Variants in ST8SIA1 observed in about 807,000 individuals in gnomAD.
ST8SIA1 encodes the protein ST8 alpha-N-acetyl-neuraminide alpha-2,8-sialyltransferase 1, also known as alpha-N-acetylneuraminide alpha-2,8-sialyltransferase.
ST8SIA1 carries 16 observed loss-of-function variants against 35.9 expected under a neutral mutation model. The observed-to-expected ratio is 0.45, with a 90% CI of 0.30 to 0.68. ST8SIA1 has a LOEUF of 0.68. ST8SIA1 is among the 30% of genes least tolerant of loss of function. The probability of loss-of-function intolerance (pLI) is 0.09; values close to 1 mark genes in which losing one functional copy is unlikely to be tolerated. For missense variants in ST8SIA1, 383 were observed against 453.6 expected, an observed-to-expected ratio of 0.84 and a Z score of 1.41; for synonymous variants, 170 against 169.6, an observed-to-expected ratio of 1.00 and a Z score of -0.02.
intron 2 of ST8SIA1, 141 bp downstream of exon 2, chr12:22,287,005 TGAC>T (rs1208435837): frequency 1.4e-6 from 1 of 711,136 alleles, no homozygotes; most frequent in African/African-American, 1.8e-5. Context: ...CACACACAGA[TGAC>T]AGATATAAAG....
intron 1 of ST8SIA1, chr12:22,333,780 C>T (rs2135851673): frequency 1.3e-6 from 1 of 752,652 alleles, no homozygotes; most frequent in Non-Finnish European, 2.4e-6. Context: ...ATGCGCAAAG[C>T]AGGTGTCTGC....
intron 4 of ST8SIA1, among the ~76,000 whole-genome samples, chr12:22,222,677 T>C (rs1018593731): frequency 6.6e-6 from 1 of 152,022 alleles, no homozygotes; most frequent in African/African-American, 2.4e-5. Context: ...CTCTAGGTTT[T>C]TGTTTTCTTT....
intron 2 of ST8SIA1, among the ~76,000 whole-genome samples, chr12:22,285,877 C>CAAAAAAAAACAAA (rs60441064): frequency 9.6e-5 from 10 of 103,676 alleles, no homozygotes; most frequent in African/African-American, 3.7e-4. Flanking sequence ...CTGTCAAAAA[C>CAAAAAAAAACAAA]AAAAAAAAAA....
chr12:22,312,728 AC>A (rs140170794), intron 1 of ST8SIA1, among the ~76,000 whole-genome samples: 3,868 of 151,720 alleles, frequency 0.025, 187 homozygotes, highest in African/African-American at 0.089. Flanking sequence ...AAAAAAAAAA[AC>A]AATAAATTTG....
chr12:22,316,722 A>G (rs1379275330), intron 1 of ST8SIA1, among the ~76,000 whole-genome samples: 1 of 152,206 alleles, frequency 6.6e-6, no homozygotes, highest in Non-Finnish European at 1.5e-5. Context: ...AAAAACGTCT[A>G]CTACATTCCC....
chr12:22,228,197 T>A (rs1185960103), intron 4 of ST8SIA1, among the ~76,000 whole-genome samples: 1 of 152,224 alleles, frequency 6.6e-6, no homozygotes, highest in Non-Finnish European at 1.5e-5. Flanking sequence ...AGAAAAGAAT[T>A]CACACAGCTT....
At chr12:22,236,517 T>C (rs1394435899) in intron 4 of ST8SIA1, among the ~76,000 whole-genome samples, 1 of 152,170 alleles carries the variant, frequency 6.6e-6, no homozygotes, top group Non-Finnish European at 1.5e-5. Flanking sequence ...AAAAGAGGGC[T>C]GAGGAGGGGT....
intron 4 of ST8SIA1, among the ~76,000 whole-genome samples, chr12:22,208,686 C>T (rs1236413956): frequency 1.3e-5 from 2 of 151,890 alleles, no homozygotes; most frequent in Non-Finnish European, 2.9e-5. Flanking sequence ...TAATTTTGGA[C>T]AAAAGAATAA....
At chr12:22,279,996 C>T (rs1170634920) in intron 2 of ST8SIA1, among the ~76,000 whole-genome samples, 2 of 152,226 alleles carry the variant, frequency 1.3e-5, no homozygotes, top group Admixed American at 6.5e-5. Context: ...GTGAATTGAT[C>T]TGAACATAGA....
chr12:22,248,943 A>G (rs2120748951), intron 4 of ST8SIA1, 63 bp downstream of exon 4: 1 of 1,255,880 alleles, frequency 8.0e-7, no homozygotes, highest in Non-Finnish European at 1.2e-6. Flanking sequence ...CTGCCTTTGA[A>G]ATGCTAAGTA....
intron 2 of ST8SIA1, among the ~76,000 whole-genome samples, chr12:22,278,321 T>C (rs1206956345): frequency 1.3e-5 from 2 of 152,216 alleles, no homozygotes. Context: ...CACTGAACTT[T>C]TTTGGATTTT....
intron 4 of ST8SIA1, among the ~76,000 whole-genome samples, chr12:22,222,928 C>T (rs1228424835): frequency 1.3e-5 from 2 of 152,086 alleles, no homozygotes; most frequent in African/African-American, 4.8e-5. Context: ...CAACTCATGC[C>T]TGATGTGAAA....
intron 1 of ST8SIA1, among the ~76,000 whole-genome samples, chr12:22,315,803 C>G (rs1159576667): frequency 6.7e-6 from 1 of 149,576 alleles, no homozygotes; most frequent in Non-Finnish European, 1.5e-5. Flanking sequence ...CCCTCACAGA[C>G]AGGCAATGCT....
intron 2 of ST8SIA1, among the ~76,000 whole-genome samples, chr12:22,285,877 C>CAAAAAAAAAAA (rs1398352110): frequency 8.7e-5 from 9 of 103,652 alleles, no homozygotes; most frequent in Admixed American, 3.3e-4. Flanking sequence ...CTGTCAAAAA[C>CAAAAAAAAAAA]AAAAAAAAAA....
At chr12:22,315,751 T>C (rs994250670) in intron 1 of ST8SIA1, among the ~76,000 whole-genome samples, 3 of 145,154 alleles carry the variant, frequency 2.1e-5, no homozygotes, top group Non-Finnish European at 4.5e-5. Flanking sequence ...TAAATTCACA[T>C]TCACAAACCC....
At chr12:22,220,641 C>G (rs766263959) in intron 4 of ST8SIA1, among the ~76,000 whole-genome samples, 1 of 152,168 alleles carries the variant, frequency 6.6e-6, no homozygotes, top group Non-Finnish European at 1.5e-5. Flanking sequence ...CAATTAAAAG[C>G]AATTAAGTGT....
chr12:22,235,068 G>A (rs567153591), intron 4 of ST8SIA1, among the ~76,000 whole-genome samples: 6 of 152,236 alleles, frequency 3.9e-5, no homozygotes, highest in South Asian at 2.1e-4. Context: ...GTGTGTGTGC[G>A]CAGGGTGTGT....
At position 22,255,276 on chromosome 12, in the gene ST8SIA1, T is replaced by C. The variant is rs1865716221; in HGVS notation, c.491+4A>G. On this transcript the variant is annotated splice_donor_region_variant and intron_variant, in intron 3 of 4. Transcript: ENST00000396037. ...GAGGCCGCGCTGTGGGTGCTCTCTCTTACCGCATGACAAAATTTGCTTCAT... is the reference window on the plus strand; with the variant it reads ...GAGGCCGCGCTGTGGGTGCTCTCTCCTACCGCATGACAAAATTTGCTTCAT... 6.2e-7 allele frequency: 1 copy of C among 1,613,498 alleles called. No individual in the cohort carries two copies. The highest frequency in any genetic ancestry group is 1.3e-5 in the African/African-American group (1 of 74,926).
chr12:22,326,655 C>G (rs1185512607), intron 1 of ST8SIA1, among the ~76,000 whole-genome samples: 1 of 152,186 alleles, frequency 6.6e-6, no homozygotes, highest in South Asian at 2.1e-4. Flanking sequence ...TATCATCCCA[C>G]CCAGCCAAGT....
Sources: gnomAD v4.1 joint callset for allele counts (sites outside exome capture counted in the v4.1 genomes callset) on GRCh38, gnomAD v4.1.1 for gene constraint, MANE v1.5 for transcripts, NCBI Gene and HGNC (gene_info 2026-07-23, HGNC 2026-07-21) for gene names.